RGS12: variants seen among roughly 807,000 people sequenced by gnomAD.
The protein encoded by RGS12 is regulator of G protein signaling 12, also known as regulator of G-protein signaling 12.
A neutral mutation model predicts 120.1 loss-of-function variants in RGS12; 66 were observed. That is an observed-to-expected ratio of 0.55 (90% confidence interval 0.45 to 0.67). RGS12 has a LOEUF of 0.67. RGS12 is among the 30% of genes least tolerant of loss of function. RGS12 has a pLI of 0.00. For synonymous variants in RGS12, 827 were observed against 804.7 expected, an observed-to-expected ratio of 1.03 and a Z score of -0.47; for missense variants, 1,859 against 1,957.7, an observed-to-expected ratio of 0.95 and a Z score of 0.95.
At chr4:3,328,820 G>A (rs1711524904) in intron 2 of RGS12, among the ~76,000 whole-genome samples, 1 of 152,170 alleles carries the variant, frequency 6.6e-6, no homozygotes, top group South Asian at 2.1e-4. Context: ...CTTTTGACCT[G>A]GCTGCCCTGG....
chr4:3,306,993 G>A (rs536013145), intron 1 of RGS12, among the ~76,000 whole-genome samples: 2 of 152,170 alleles, frequency 1.3e-5, no homozygotes, highest in African/African-American at 2.4e-5. Context: ...GTGGGTTTTC[G>A]TCAGTTTCCG....
At chr4:3,395,043 A>G (rs1240831222) in intron 4 of RGS12, among the ~76,000 whole-genome samples, 1 of 152,038 alleles carries the variant, frequency 6.6e-6, no homozygotes, top group Non-Finnish European at 1.5e-5. Context: ...AAAAAAAAAC[A>G]TTAGCTGGAT....
At chr4:3,381,267 A>G (rs1000001665) in intron 3 of RGS12, among the ~76,000 whole-genome samples, 1 of 152,248 alleles carries the variant, frequency 6.6e-6, no homozygotes, top group Non-Finnish European at 1.5e-5. Flanking sequence ...ACAGATCTCT[A>G]GGAAGTTCAA....
intron 4 of RGS12, among the ~76,000 whole-genome samples, chr4:3,403,971 G>T (rs932817981): frequency 1.3e-5 from 2 of 152,216 alleles, no homozygotes; most frequent in African/African-American, 2.4e-5. Context: ...AGGGAGTAAG[G>T]AGGGGGCTAT....
intron 5 of RGS12, 149 bp downstream of exon 5, chr4:3,414,390 C>G: frequency 7.0e-6 from 6 of 860,970 alleles, no homozygotes; most frequent in Non-Finnish European, 1.0e-5. Flanking sequence ...GACCGCCACC[C>G]TCTCAAGAGC....
In RGS12 at chr4:3,316,763, A is replaced by G; in HGVS notation, c.593A>G (p.Glu198Gly). The G allele has an allele frequency of 2.5e-6, 4 of 1,614,234 alleles. No individual in the cohort carries two copies. The highest frequency in any genetic ancestry group is 3.4e-6 in the Non-Finnish European group (4 of 1,180,044). The change falls in exon 2 of 18, where the codon GAA (glutamate) becomes GGA (glycine). Residue 198 changes from glutamate to glycine, a missense_variant. This residue lies in a region of RGS12 where 967 missense variants were observed against 994.2 expected (regional missense o/e 0.97). Coordinates refer to ENST00000336727, the MANE Select transcript of RGS12 (RefSeq NM_001394154.1). ...NPNPNMLSKE[E>G]ISKVIHDDSV... ...AATCCCAACATGCTTTCTAAGGAGGAAATATCAAAAGTTATTCATGATGAT... is the reference window on the plus strand; with the variant it reads ...AATCCCAACATGCTTTCTAAGGAGGGAATATCAAAAGTTATTCATGATGAT...
intron 3 of RGS12, among the ~76,000 whole-genome samples, chr4:3,360,625 G>A (rs939250749): frequency 5.9e-5 from 9 of 152,152 alleles, no homozygotes; most frequent in African/African-American, 1.7e-4. Context: ...GCAAAAGAAA[G>A]TTACAGATAT....
At chr4:3,387,577 T>C (rs1276571479) in intron 4 of RGS12, among the ~76,000 whole-genome samples, 1 of 152,226 alleles carries the variant, frequency 6.6e-6, no homozygotes, top group Admixed American at 6.5e-5. Context: ...GGAGATGTAT[T>C]TTGTAGAATA....
At chr4:3,325,624 A>G (rs1725505244) in intron 2 of RGS12, among the ~76,000 whole-genome samples, 1 of 152,244 alleles carries the variant, frequency 6.6e-6, no homozygotes, top group Non-Finnish European at 1.5e-5. Flanking sequence ...ATGAAGAACT[A>G]GTACCAACCC....
Position 3,409,710 on chromosome 4 carries a change from G to A in RGS12, c.2021-4362G>A, listed in dbSNP as rs981673436. ...GCAGACGGTTCACGTCACCGTGCTT[G>A]TGTGTTGGAATTGAAACACCTTTTG... On this transcript the variant is annotated intron_variant, in intron 4 of 17. Coordinates refer to ENST00000336727, the MANE Select transcript of RGS12 (RefSeq NM_001394154.1). Among the ~76,000 whole-genome samples the A allele has an allele frequency of 5.9e-5, 9 of 152,360 alleles. No individual in the cohort carries two copies. The South Asian group carries it at 1.7e-3, about 28-fold the overall frequency.
chr4:3,294,544 G>C (rs753844928), intron 1 of RGS12, among the ~76,000 whole-genome samples: 1 of 152,238 alleles, frequency 6.6e-6, no homozygotes, highest in Non-Finnish European at 1.5e-5. Context: ...GAGATGATGG[G>C]TATCCGGTGC....
chr4:3,288,869 T>C (rs1027048115), upstream of RGS12, among the ~76,000 whole-genome samples: 1 of 152,148 alleles, frequency 6.6e-6, no homozygotes. The surrounding 1 kb of genome is among the most constrained non-coding windows in gnomAD (Gnocchi z 5.2). Context: ...TCTCTAATTA[T>C]GGACGCCGTC....
In RGS12 at chr4:3,423,660, C is replaced by G. The variant is rs752928848; in HGVS notation, c.3234+19C>G. ...GAGGCTGGTGAGTGTTGCACGGGGC[C>G]CGGGCGTCGTCACCGCAGGCACTGT... is the stretch of plus-strand genomic sequence containing the variant. On this transcript the variant is annotated intron_variant, in intron 13 of 17. Coordinates refer to ENST00000336727, the MANE Select transcript of RGS12 (RefSeq NM_001394154.1). 13 of 1,596,258 alleles carry G rather than the reference C, an allele frequency of 8.1e-6. No homozygotes were observed. The South Asian group carries it at 1.4e-4, about 18-fold the overall frequency.
chr4:3,333,047 A>G (rs1269935795), intron 2 of RGS12, among the ~76,000 whole-genome samples: 1 of 137,030 alleles, frequency 7.3e-6, no homozygotes, highest in Non-Finnish European at 1.5e-5. Context: ...GCTGGTCTCA[A>G]ACTCTTTTTT....
At chr4:3,337,608 A>G (rs1389085279) in intron 2 of RGS12, among the ~76,000 whole-genome samples, 2 of 152,148 alleles carry the variant, frequency 1.3e-5, no homozygotes, top group African/African-American at 4.8e-5. Context: ...TCACAGAAGG[A>G]CACACACTAT....
upstream of RGS12, chr4:3,292,945 G>A (rs1199803098): frequency 2.2e-5 from 3 of 139,050 alleles, no homozygotes. Context: ...CGCCTCACCA[G>A]GTTCGCCCCG....
chr4:3,300,535 G>T (rs1467952984), intron 1 of RGS12, among the ~76,000 whole-genome samples: 1 of 152,078 alleles, frequency 6.6e-6, no homozygotes, highest in East Asian at 1.9e-4. Flanking sequence ...ATTATCACCA[G>T]CGAGGGGCTA....
upstream of RGS12, among the ~76,000 whole-genome samples, chr4:3,289,451 ACCT>A (rs1212750122): frequency 4.6e-5 from 7 of 151,978 alleles, no homozygotes; most frequent in Admixed American, 4.6e-4. Context: ...TGAGCCACCT[ACCT>A]CAGCCTTCCA....
At position 3,425,474 on chromosome 4, in the gene RGS12, A is replaced by G; in HGVS notation, c.3245A>G (p.Lys1082Arg). 2 of 1,612,170 alleles carry G rather than the reference A, an allele frequency of 1.2e-6. No homozygotes were observed. The highest frequency in any genetic ancestry group is 2.2e-5 in the East Asian group (1 of 44,804). ...SGLLVRLSGEKEPLDLGAPIS... is the reference protein window; with the variant it reads ...SGLLVRLSGEREPLDLGAPIS... The stretch of plus-strand genomic sequence containing the variant: ...TGATCTCTGCCCTAGAGTGGAGAGA[A>G]GGAGCCCCTGGACCTTGGCGCCCCT... The change falls in exon 14 of 18, where the codon AAG becomes AGG. Residue 1082 changes from lysine to arginine, a missense_variant. Around this residue, in one of 3 missense-constraint regions of RGS12, gnomAD observed 517 missense variants for 488.5 expected, o/e 1.06. Coordinates refer to ENST00000336727, the MANE Select transcript of RGS12 (RefSeq NM_001394154.1).
Sources: allele counts gnomAD v4.1 joint callset (sites outside exome capture counted in the v4.1 genomes callset), GRCh38; gene constraint gnomAD v4.1.1; regional missense constraint gnomAD v4.1.1; non-coding constraint Gnocchi (gnomAD v3.1); transcripts MANE v1.5; gene names NCBI Gene and HGNC (gene_info 2026-07-23, HGNC 2026-07-21).